Variants in DGLUCY observed in about 807,000 individuals in gnomAD.
The protein encoded by DGLUCY is D-glutamate cyclase, mitochondrial.
Under a neutral mutation model 58.5 loss-of-function variants are expected in DGLUCY, and 58 were observed. That is an observed-to-expected ratio of 0.99 (90% CI 0.80 to 1.23). DGLUCY has a LOEUF of 1.23. Ranked by LOEUF, DGLUCY falls within the 50% of genes most tolerant of loss-of-function variation. The probability of loss-of-function intolerance (pLI) is 0.00; values close to 1 mark genes in which losing one functional copy is unlikely to be tolerated. For missense variants in DGLUCY, 779 were observed against 784.7 expected (o/e 0.99, Z 0.09); for synonymous variants, 325 against 314.1 (o/e 1.03, Z -0.37).
chr14:91,087,155 C>A (rs2044235258), intron 1 of DGLUCY, among the ~76,000 whole-genome samples: 1 of 152,184 alleles, frequency 6.6e-6, no homozygotes, highest in Admixed American at 6.5e-5. Context: ...ACTAAAAAAG[C>A]CGAGCCCCCC....
At chr14:91,142,415 T>C (rs2046751819) in intron 1 of DGLUCY, among the ~76,000 whole-genome samples, 1 of 152,110 alleles carries the variant, frequency 6.6e-6, no homozygotes, top group Admixed American at 6.5e-5. Flanking sequence ...TGAAACTCTT[T>C]AGTAACAGAA....
chr14:91,126,015 A>C (rs1314923908), intron 1 of DGLUCY, among the ~76,000 whole-genome samples: 1 of 152,188 alleles, frequency 6.6e-6, no homozygotes, highest in African/African-American at 2.4e-5. Context: ...CAACCCAAGC[A>C]TTGTGCTAAG....
intron 12 of DGLUCY, among the ~76,000 whole-genome samples, chr14:91,214,280 T>A (rs1236433009): frequency 6.6e-6 from 1 of 152,190 alleles, no homozygotes; most frequent in African/African-American, 2.4e-5. Flanking sequence ...TCTTTCGTGG[T>A]GCTCTAGCAC....
At chr14:91,080,440 A>C (rs1187318932) in intron 1 of DGLUCY, among the ~76,000 whole-genome samples, 1 of 152,128 alleles carries the variant, frequency 6.6e-6, no homozygotes, top group Non-Finnish European at 1.5e-5. Context: ...GCACGATCTC[A>C]GCTCACTGCA....
At chr14:91,190,778 C>T (rs2049834455) in intron 9 of DGLUCY, among the ~76,000 whole-genome samples, 1 of 152,074 alleles carries the variant, frequency 6.6e-6, no homozygotes, top group African/African-American at 2.4e-5. Context: ...TCGCAGGACC[C>T]TGTGGGCAGC....
intron 1 of DGLUCY, among the ~76,000 whole-genome samples, chr14:91,084,476 A>G (rs1200876869): frequency 6.6e-6 from 1 of 151,998 alleles, no homozygotes; most frequent in Non-Finnish European, 1.5e-5. Flanking sequence ...AAGTGCTGGG[A>G]TTACAGGGAT....
chr14:91,081,352 G>A (rs2044124598), intron 1 of DGLUCY, among the ~76,000 whole-genome samples: 3 of 152,204 alleles, frequency 2.0e-5, no homozygotes, highest in African/African-American at 4.8e-5. Context: ...CAGCAATACG[G>A]TACTAAATTT....
At chr14:91,101,353 G>T (rs2044483113) in intron 1 of DGLUCY, among the ~76,000 whole-genome samples, 1 of 151,934 alleles carries the variant, frequency 6.6e-6, no homozygotes, top group South Asian at 2.1e-4. Context: ...ATCTAAATTT[G>T]ACTCTTTTAG....
At chr14:91,204,372 C>T (rs2050750480) in intron 11 of DGLUCY, among the ~76,000 whole-genome samples, 1 of 152,172 alleles carries the variant, frequency 6.6e-6, no homozygotes. Flanking sequence ...TGAGCGGGAG[C>T]CACTGGAAGG....
Position 91,199,817 on chromosome 14 carries a change from T to A in DGLUCY, c.1356T>A (p.Asn452Lys). 5 of 1,614,168 alleles carry A rather than the reference T, an allele frequency of 3.1e-6. No individual in the cohort carries two copies. The highest frequency in any genetic ancestry group is 4.2e-6 in the Non-Finnish European group (5 of 1,180,018). ...GAGCTGCTGATGGCAATTACTACAA[T>A]GCAAGGAAGATGAACATCAAGCACT... ...AGRAADGNYY[N>K]ARKMNIKHLV... The change falls in exon 11 of 14, where the codon AAT (asparagine) becomes AAA (lysine). Residue 452 changes from asparagine (N) to lysine (K), a missense_variant. Physicochemically the swap from Asn to Lys is moderately conservative, Grantham distance 94. Transcript: ENST00000256324.
At chr14:91,217,414 G>C (rs996153754) in intron 13 of DGLUCY, among the ~76,000 whole-genome samples, 6 of 152,028 alleles carry the variant, frequency 3.9e-5, no homozygotes, top group African/African-American at 1.4e-4. Flanking sequence ...CAAGTCCCCT[G>C]CCAGTGGGCA....
chr14:91,201,862 G>T (rs1010144183), intron 11 of DGLUCY, among the ~76,000 whole-genome samples: 8 of 151,906 alleles, frequency 5.3e-5, no homozygotes, highest in South Asian at 2.1e-4. Flanking sequence ...AGACCAGCCT[G>T]GCCAACATGG....
rs763453386 is a variant in DGLUCY, at chr14:91,224,828, G to C, written c.1861G>C (p.Val621Leu). 1 of 1,610,266 alleles carries C rather than the reference G, an allele frequency of 6.2e-7. No homozygotes were observed. The change falls in exon 14 of 14, where the codon GTG (valine) becomes CTG (leucine). Residue 621 changes from valine to leucine, a missense_variant. Physicochemically the swap from Val to Leu is conservative, Grantham distance 32. Coordinates refer to ENST00000256324, the MANE Select transcript of DGLUCY (RefSeq NM_001102368.3). The part of the protein sequence containing the change: ...QKLVDVTTAQ[V>L] ...GCTGGTGGACGTCACCACGGCACAG[G>C]TGTAACCGTCCATGTTCCGTGTGAG...
intron 1 of DGLUCY, among the ~76,000 whole-genome samples, chr14:91,130,979 G>A (rs144167367): frequency 3.7e-4 from 56 of 150,238 alleles, no homozygotes; most frequent in African/African-American, 7.1e-4. Context: ...ACAGGGTCTC[G>A]CTTTGTTGCT....
chr14:91,065,870 G>T (rs1001750812), intron 1 of DGLUCY, among the ~76,000 whole-genome samples: 1 of 152,122 alleles, frequency 6.6e-6, no homozygotes, highest in African/African-American at 2.4e-5. Flanking sequence ...TGTTGAACTG[G>T]GGTGAGATAA....
intron 2 of DGLUCY, chr14:91,158,960 G>T (rs2047818511): frequency 2.0e-5 from 3 of 148,548 alleles, no homozygotes; most frequent in Non-Finnish European, 4.4e-5. Context: ...CTCCCAAGTA[G>T]CTAGGACTAC....
intron 1 of DGLUCY, among the ~76,000 whole-genome samples, chr14:91,149,257 A>AAAAAG (rs1267387573): frequency 2.5e-4 from 38 of 152,028 alleles, no homozygotes; most frequent in Admixed American, 2.2e-3. Context: ...CAAAAAAAAA[A>AAAAAG]AAAAGAAAAG....
chr14:91,081,128 G>A (rs961322343), intron 1 of DGLUCY, among the ~76,000 whole-genome samples: 44 of 152,112 alleles, frequency 2.9e-4, no homozygotes, highest in African/African-American at 9.4e-4. Context: ...GTGTGAACCC[G>A]GGAGGCGGAG....
At chr14:91,064,691 A>C (rs1040528139) in intron 1 of DGLUCY, among the ~76,000 whole-genome samples, 1 of 152,054 alleles carries the variant, frequency 6.6e-6, no homozygotes, top group Non-Finnish European at 1.5e-5. Context: ...TAGAAAAGGA[A>C]AACCTGGAGA....
Sources: allele counts gnomAD v4.1 joint callset (sites outside exome capture counted in the v4.1 genomes callset), GRCh38; gene constraint gnomAD v4.1.1; transcripts MANE v1.5; gene names NCBI Gene and HGNC (gene_info 2026-07-23, HGNC 2026-07-21).